TXLNA: variants seen among roughly 807,000 people sequenced by gnomAD.
TXLNA encodes taxilin alpha, also known as alpha-taxilin.
In TXLNA, 9 loss-of-function variants were observed where a neutral mutation model predicts 61.4. That is an observed-to-expected ratio of 0.15 (90% CI 0.09 to 0.26). The LOEUF (loss-of-function observed/expected upper bound fraction) is 0.26, where lower values mean the gene tolerates loss of function less well. Ranked by LOEUF, TXLNA falls within the 10% of genes least tolerant of loss-of-function variation. TXLNA has a pLI of 1.00. For synonymous variants in TXLNA, 257 were observed against 267.7 expected, an observed-to-expected ratio of 0.96 and a Z score of 0.39; for missense variants, 565 against 688.8, an observed-to-expected ratio of 0.82 and a Z score of 2.01.
At position 32,184,539 on chromosome 1, in the gene TXLNA, T is replaced by G. The variant is rs779953423; in HGVS notation, c.520T>G (p.Leu174Val). ...GTGCTTTTCAGGGAAGGAGATCACG[T>G]TGCTGATGCAGACATTGAATACTCT... ...KAKGLGKEIT[L>V]LMQTLNTLST... Residue 174 changes from leucine to valine, a missense_variant, in exon 4 of 11, where the codon TTG (leucine) becomes GTG (valine). This residue lies in a region of TXLNA where 373 missense variants were observed against 504.0 expected (regional missense o/e 0.74). Coordinates refer to ENST00000373610, the MANE Select transcript of TXLNA (RefSeq NM_175852.4). 11 of 1,613,374 alleles carry G rather than the reference T, an allele frequency of 6.8e-6. No homozygotes were observed. The highest frequency in any genetic ancestry group is 9.3e-6 in the Non-Finnish European group (11 of 1,179,460).
intron 4 of TXLNA, among the ~76,000 whole-genome samples, chr1:32,185,383 TATG>T: frequency 7.7e-6 from 1 of 129,042 alleles, no homozygotes; most frequent in African/African-American, 2.7e-5. Context: ...TGTATGTATG[TATG>T]TATTTATTTA....
In TXLNA at chr1:32,180,507, G is replaced by A. The variant is rs767986909; in HGVS notation, c.162G>A (p.Lys54=). The A allele has an allele frequency of 2.1e-5, 33 of 1,600,426 alleles. No homozygotes were observed. The highest frequency in any genetic ancestry group is 2.6e-5 in the Non-Finnish European group (31 of 1,173,774). The change falls in exon 2 of 11, where the codon AAG becomes AAA. Residue 54 remains lysine, a synonymous_variant. Coordinates refer to ENST00000373610, the MANE Select transcript of TXLNA (RefSeq NM_175852.4). ...EGPGSSQAPR[K]PEGAQARTAQ... ...CCGGCAGCAGCCAGGCTCCTCGGAA[G>A]CCGGAGGGTGTGTGCCAGCTCTGCG...
At position 32,196,510 on chromosome 1, in the gene TXLNA, C is replaced by G. The variant is rs1643027601; in HGVS notation, c.*1315C>G. The stretch of plus-strand genomic sequence containing the variant: ...TGGGCCCCAGAAATCCATAAAATGG[C>G]TGCAGACAGTTGTTTCTGTGTCCTG... On this transcript the variant is annotated 3_prime_UTR_variant, in exon 11 of 11. Coordinates refer to ENST00000373610, the MANE Select transcript of TXLNA (RefSeq NM_175852.4). 1 of 152,282 alleles carries G rather than the reference C, an allele frequency of 6.6e-6. No homozygotes were observed. Among genetic ancestry groups the G allele is most frequent in the Admixed American group, 6.5e-5 (1 of 15,278 alleles). 9.4% of individuals were successfully genotyped at this position (152,282 alleles called of 1,614,324 possible).
Position 32,181,364 on chromosome 1 carries a change from G to C in TXLNA, c.292G>C (p.Asp98His). 1.9e-6 allele frequency: 3 copies of C among 1,614,226 alleles called. No individual in the cohort carries two copies. The highest frequency in any genetic ancestry group is 2.5e-6 in the Non-Finnish European group (3 of 1,180,046). The change falls in exon 3 of 11, where the codon GAT becomes CAT. Residue 98 changes from aspartate (D) to histidine (H), a missense_variant. By Grantham distance (81) the Asp-to-His change is moderately conservative. Around this residue, in one of 2 missense-constraint regions of TXLNA, gnomAD observed 192 missense variants for 184.8 expected, o/e 1.04. Transcript: ENST00000373610. Reference protein sequence around the residue: ...VDNNQGGPGEDGAQGEPAEPE... With the variant: ...VDNNQGGPGEHGAQGEPAEPE... ...CAATAACCAGGGGGGCCCCGGCGAG[G>C]ATGGGGCACAGGGTGAGCCGGCTGA... is the stretch of plus-strand genomic sequence containing the variant.
In TXLNA at chr1:32,181,273, C is replaced by T. The variant is rs1406988673; in HGVS notation, c.201C>T (p.Ala67=). The part of the protein sequence containing the change: ...GAQARTAQSG[A]LRDVSEELSR... ...AAGCCAGAACGGCTCAGTCTGGGGC[C>T]CTTCGTGATGTCTCTGAGGAGCTGA... is the stretch of plus-strand genomic sequence containing the variant. Residue 67 remains alanine (A), a synonymous_variant, in exon 3 of 11, where the codon GCC becomes GCT. Transcript: ENST00000373610. 1 of 1,607,626 alleles carries T rather than the reference C, an allele frequency of 6.2e-7. No homozygotes were observed. The highest frequency in any genetic ancestry group is 8.5e-7 in the Non-Finnish European group (1 of 1,175,174).
In TXLNA at chr1:32,195,326, C is replaced by G. The variant is rs541820814; in HGVS notation, c.*131C>G. ...TGACCTGGCTGGCATCTGGCACTTG[C>G]AATTTTGGATTTTGTGGGTCAGTTT... On this transcript the variant is annotated 3_prime_UTR_variant, in exon 11 of 11. Transcript: ENST00000373610. 1.5e-5 allele frequency: 17 copies of G among 1,122,778 alleles called. No individual in the cohort carries two copies. The Admixed American group carries it at 2.6e-4, about 17-fold the overall frequency. 69.6% of individuals were successfully genotyped at this position (1,122,778 alleles called of 1,614,324 possible). A position where few individuals can be genotyped will look rare whatever the true frequency, so the allele number is the denominator to read the frequency against.
chr1:32,193,467 C>T (rs1468271501), intron 9 of TXLNA, among the ~76,000 whole-genome samples, 167 bp downstream of exon 9: 4 of 152,102 alleles, frequency 2.6e-5, no homozygotes, highest in Non-Finnish European at 5.9e-5. Flanking sequence ...TATGTATACA[C>T]TCCAGGTTGT....
Position 32,197,702 on chromosome 1 carries a change from C to T in TXLNA, c.*2507C>T, listed in dbSNP as rs993136266. On this transcript the variant is annotated 3_prime_UTR_variant, in exon 11 of 11. Coordinates refer to ENST00000373610, the MANE Select transcript of TXLNA (RefSeq NM_175852.4). The surrounding 1 kb of genome is among the most constrained non-coding windows in gnomAD (Gnocchi z 4.6). ...ATTGCTAGCTTTTCCTCCAGGGGAC[C>T]ACAGCAGGTGAAGCTCAAGAGCGCA... is the stretch of plus-strand genomic sequence containing the variant. 1 of 152,258 alleles carries T rather than the reference C, an allele frequency of 6.6e-6. No individual in the cohort carries two copies. Among genetic ancestry groups the T allele is most frequent in the Non-Finnish European group, 1.5e-5 (1 of 68,064 alleles). 9.4% of individuals were successfully genotyped at this position (152,258 alleles called of 1,614,324 possible).
chr1:32,180,454 G>A lies in TXLNA; in HGVS notation c.109G>A (p.Ala37Thr). ...GGGAGCCCAGGAGCGGCCCAGCCAG[G>A]CGGCTCCTGCAGTAGAAGCAGAAGG... ...PEGAQERPSQ[A>T]APAVEAEGPG... The change falls in exon 2 of 11, where the codon GCG (alanine) becomes ACG (threonine). Residue 37 changes from alanine (A) to threonine (T), a missense_variant. Transcript: ENST00000373610. 6.2e-7 allele frequency: 1 copy of A among 1,613,052 alleles called. No homozygotes were observed. The highest frequency in any genetic ancestry group is 2.2e-5 in the East Asian group (1 of 44,864).
chr1:32,180,276 CG>C, intron 1 of TXLNA, 37 bp from the exon 2 acceptor site: 1 of 1,506,108 alleles, frequency 6.6e-7, no homozygotes, highest in Non-Finnish European at 8.9e-7. Context: ...CGAAGAATTT[CG>C]AAGTCTGGAA....
Position 32,195,111 on chromosome 1 carries a change from A to G in TXLNA, c.1557A>G (p.Thr519=). The change falls in exon 11 of 11, where the codon ACA becomes ACG. Residue 519 remains threonine (T), a synonymous_variant. Transcript: ENST00000373610. ...GAQAPSSPRV[T]EAPCYPGAPS... is the part of the protein sequence containing the mutation. The stretch of plus-strand genomic sequence containing the variant: ...AAGCACCCAGCTCCCCCAGGGTCAC[A>G]GAAGCGCCTTGCTACCCAGGAGCAC... The G allele has an allele frequency of 6.2e-7, 1 of 1,614,120 alleles. No individual in the cohort carries two copies. Among genetic ancestry groups the G allele is most frequent in the Non-Finnish European group, 8.5e-7 (1 of 1,179,986 alleles).
chr1:32,190,921 T>C (rs988787545), intron 6 of TXLNA, among the ~76,000 whole-genome samples: 1 of 152,096 alleles, frequency 6.6e-6, no homozygotes, highest in Non-Finnish European at 1.5e-5. Context: ...GGTGAAACCC[T>C]GTCTCTACTA....
chr1:32,187,901 C>T (rs1026516565), intron 4 of TXLNA, 53 bp from the exon 5 acceptor site: 5 of 1,584,262 alleles, frequency 3.2e-6, no homozygotes, highest in Non-Finnish European at 4.3e-6. Context: ...GTGATCCCCC[C>T]ACCAGGAAGG....
rs777334478 is a variant in TXLNA, at chr1:32,192,608, T to A, written c.1084-49T>A. 1 of 1,608,376 alleles carries A rather than the reference T, an allele frequency of 6.2e-7. No homozygotes were observed. The highest frequency in any genetic ancestry group is 1.3e-5 in the African/African-American group (1 of 74,876). ...GGTGCTTGTGGCTAAAAACCAAACA[T>A]AGCCCCTGGGGGCTTCTGACAGGAT... On this transcript the variant is annotated intron_variant, in intron 7 of 10. Transcript: ENST00000373610. The surrounding 1 kb of genome is among the most constrained non-coding windows in gnomAD (Gnocchi z 4.2).
At position 32,195,830 on chromosome 1, in the gene TXLNA, C is replaced by T. The variant is rs1182520110; in HGVS notation, c.*635C>T. The T allele has an allele frequency of 2.2e-6, 1 of 455,630 alleles. No individual in the cohort carries two copies. The allele number at this position is 455,630 out of a possible 1,614,324, so 28.2% of individuals were successfully genotyped here. On this transcript the variant is annotated 3_prime_UTR_variant, in exon 11 of 11. Transcript: ENST00000373610. ...CAGGAGCCCCTTGGGCATCGCTTCC[C>T]CTGCCCTTTGGTAGTGCCAGGACCA... is the stretch of plus-strand genomic sequence containing the variant.
In TXLNA at chr1:32,194,954, T is replaced by A. The variant is rs1386380785; in HGVS notation, c.1400T>A (p.Leu467Gln). Reference protein sequence around the residue: ...LEGLQVKIQRLEKLCRALQTE... With the variant: ...LEGLQVKIQRQEKLCRALQTE... ...GGCCTGCAGGTAAAAATCCAACGGCTGGAGAAGCTGTGCCGGGCACTGCAG... is the reference window on the plus strand; with the variant it reads ...GGCCTGCAGGTAAAAATCCAACGGCAGGAGAAGCTGTGCCGGGCACTGCAG... The change falls in exon 11 of 11, where the codon CTG (leucine) becomes CAG (glutamine). Residue 467 changes from leucine to glutamine, a missense_variant. This residue lies in a region of TXLNA where 373 missense variants were observed against 504.0 expected (regional missense o/e 0.74). Coordinates refer to ENST00000373610, the MANE Select transcript of TXLNA (RefSeq NM_175852.4). The A allele has an allele frequency of 6.2e-7, 1 of 1,613,906 alleles. No individual in the cohort carries two copies. Among genetic ancestry groups the A allele is most frequent in the Non-Finnish European group, 8.5e-7 (1 of 1,179,922 alleles).
Position 32,193,261 on chromosome 1 carries a change from C to G in TXLNA, c.1212C>G (p.Ser404Arg). 6.2e-7 allele frequency: 1 copy of G among 1,613,756 alleles called. No homozygotes were observed. Among genetic ancestry groups the G allele is most frequent in the South Asian group, 1.1e-5 (1 of 91,064 alleles). ...FEEFQNTLSKSSEVFTTFKQE... is the reference protein window; with the variant it reads ...FEEFQNTLSKRSEVFTTFKQE... ...AGTTCCAGAACACACTTTCCAAAAG[C>G]AGCGAGGTATTCACCACATTCAAGC... The change falls in exon 9 of 11, where the codon AGC (serine) becomes AGG (arginine). Residue 404 changes from serine (S) to arginine (R), a missense_variant. This residue lies in a region of TXLNA where 373 missense variants were observed against 504.0 expected (regional missense o/e 0.74). Coordinates refer to ENST00000373610, the MANE Select transcript of TXLNA (RefSeq NM_175852.4).
intron 4 of TXLNA, among the ~76,000 whole-genome samples, chr1:32,186,832 A>G (rs1186442283): frequency 2.0e-5 from 3 of 152,252 alleles, no homozygotes; most frequent in Admixed American, 6.5e-5. Context: ...TCTCTAGCTA[A>G]TTGACATGTG....
intron 4 of TXLNA, among the ~76,000 whole-genome samples, chr1:32,185,034 T>C (rs1642751041): frequency 6.6e-6 from 1 of 152,218 alleles, no homozygotes; most frequent in South Asian, 2.1e-4. Context: ...CATTGACTTT[T>C]AACAGAAACT....
Sources: allele counts gnomAD v4.1 joint callset (sites outside exome capture counted in the v4.1 genomes callset), GRCh38; gene constraint gnomAD v4.1.1; regional missense constraint gnomAD v4.1.1; non-coding constraint Gnocchi (gnomAD v3.1); transcripts MANE v1.5; gene names NCBI Gene and HGNC (gene_info 2026-07-23, HGNC 2026-07-21).